The following HERPUD2 variants were observed in gnomAD, a reference collection of about 807,000 sequenced individuals.
The protein encoded by HERPUD2 is homocysteine-responsive endoplasmic reticulum-resident ubiquitin-like domain member 2 protein.
HERPUD2 carries 13 observed loss-of-function variants against 49.9 expected under a neutral mutation model. The ratio of observed to expected loss-of-function variants is 0.26; its 90% CI spans 0.17 to 0.41. The LOEUF (loss-of-function observed/expected upper bound fraction) is 0.41, where lower values mean the gene tolerates loss of function less well. HERPUD2 is among the 10% of genes least tolerant of loss of function. The probability of loss-of-function intolerance (pLI) is 1.00; values close to 1 mark genes in which losing one functional copy is unlikely to be tolerated. For synonymous variants in HERPUD2, 172 were observed against 171.4 expected (o/e 1.00, Z -0.03); for missense variants, 449 against 492.2 (o/e 0.91, Z 0.83).
At chr7:35,641,081 T>C (rs1784961059) in intron 5 of HERPUD2, among the ~76,000 whole-genome samples, 1 of 152,194 alleles carries the variant, frequency 6.6e-6, no homozygotes, top group Non-Finnish European at 1.5e-5. Context: ...TAAGAAATGT[T>C]GCAATAAATT....
intron 6 of HERPUD2, among the ~76,000 whole-genome samples, chr7:35,637,025 T>C (rs1784880477): frequency 6.6e-6 from 1 of 151,948 alleles, no homozygotes; most frequent in Non-Finnish European, 1.5e-5. Flanking sequence ...TCTCGGCTAC[T>C]GCGAGGCTGA....
chr7:35,671,887 C>T (rs1785651537), intron 3 of HERPUD2, among the ~76,000 whole-genome samples: 1 of 151,542 alleles, frequency 6.6e-6, no homozygotes, highest in South Asian at 2.1e-4. Context: ...TTTCAAAGAG[C>T]AGATGGCAGA....
intron 2 of HERPUD2, among the ~76,000 whole-genome samples, chr7:35,688,831 G>C (rs1434109078): frequency 2.0e-5 from 3 of 151,728 alleles, no homozygotes; most frequent in Admixed American, 2.0e-4. Context: ...GTCCAACCTG[G>C]GTTCAAATTC....
intron 8 of HERPUD2, 91 bp downstream of exon 8, chr7:35,634,221 T>C (rs748465289): frequency 3.3e-5 from 27 of 809,722 alleles, no homozygotes; most frequent in Admixed American, 4.1e-5. Context: ...CAAATACTTA[T>C]GGAACATCCA....
At position 35,671,154 on chromosome 7, in the gene HERPUD2, G is replaced by GT. The variant is rs533086725; in HGVS notation, c.226-827dup. Among the ~76,000 whole-genome samples, 5 of 152,156 alleles carry GT rather than the reference G, an allele frequency of 3.3e-5. No homozygotes were observed. The South Asian group carries it at 1.0e-3, about 32-fold the overall frequency. On this transcript the variant is annotated intron_variant, in intron 3 of 8. Transcript: ENST00000311350. ...AACAAAGCTACTAGAAACTATGAATGTATCACTTGCCTACCATGAACCTAT... is the reference window on the plus strand; with the variant it reads ...AACAAAGCTACTAGAAACTATGAATGTTATCACTTGCCTACCATGAACCTAT...
intron 4 of HERPUD2, among the ~76,000 whole-genome samples, chr7:35,668,305 A>AC: frequency 6.6e-6 from 1 of 152,256 alleles, no homozygotes; most frequent in African/African-American, 2.4e-5. Context: ...GTTAATCAGT[A>AC]TTTTTTTATT....
intron 2 of HERPUD2, among the ~76,000 whole-genome samples, chr7:35,680,156 C>T (rs1236081176): frequency 6.6e-6 from 1 of 152,170 alleles, no homozygotes; most frequent in Non-Finnish European, 1.5e-5. Context: ...CCTGTAATCC[C>T]AGCACTTTGG....
chr7:35,660,500 TA>T (rs1310841750), intron 5 of HERPUD2, among the ~76,000 whole-genome samples: 1 of 152,208 alleles, frequency 6.6e-6, no homozygotes, highest in Non-Finnish European at 1.5e-5. Context: ...ACCAACAGTG[TA>T]AAAGCATTCC....
chr7:35,682,353 G>GTA (rs1338645108), intron 2 of HERPUD2, among the ~76,000 whole-genome samples: 2 of 27,564 alleles, frequency 7.3e-5, no homozygotes, highest in African/African-American at 2.5e-4. Context: ...GTGTGTGTGT[G>GTA]TGTGTATATA....
intron 5 of HERPUD2, among the ~76,000 whole-genome samples, chr7:35,667,147 C>T (rs1785553354): frequency 1.3e-5 from 2 of 152,118 alleles, no homozygotes; most frequent in African/African-American, 4.8e-5. Flanking sequence ...TGCAGATTCT[C>T]AGGCCCCATC....
chr7:35,645,567 A>G (rs867316245), intron 5 of HERPUD2, among the ~76,000 whole-genome samples: 1 of 152,208 alleles, frequency 6.6e-6, no homozygotes, highest in Non-Finnish European at 1.5e-5. Context: ...TCCATTGTCA[A>G]TAGGTTCTTG....
intron 5 of HERPUD2, among the ~76,000 whole-genome samples, chr7:35,660,176 C>G (rs1252892513): frequency 1.3e-5 from 2 of 152,192 alleles, no homozygotes; most frequent in African/African-American, 2.4e-5. Context: ...TGGTTTCCAG[C>G]TTCATCCATG....
At chr7:35,678,476 T>G (rs1023860330) in intron 2 of HERPUD2, among the ~76,000 whole-genome samples, 36 of 152,174 alleles carry the variant, frequency 2.4e-4, no homozygotes, top group African/African-American at 7.9e-4. Flanking sequence ...AATTTTTGTA[T>G]ATTTAGTAGA....
At chr7:35,676,234 C>T (rs918720837) in intron 2 of HERPUD2, among the ~76,000 whole-genome samples, 4 of 152,188 alleles carry the variant, frequency 2.6e-5, no homozygotes, top group African/African-American at 9.6e-5. Context: ...GAAATTGTCT[C>T]GTAGAACTTT....
At chr7:35,686,489 C>G (rs559508701) in intron 2 of HERPUD2, among the ~76,000 whole-genome samples, 2 of 145,954 alleles carry the variant, frequency 1.4e-5, no homozygotes, top group Non-Finnish European at 3.0e-5. Context: ...CCCGGCCTAA[C>G]ATTATCTTTT....
chr7:35,658,343 G>A (rs1785328305), intron 5 of HERPUD2, among the ~76,000 whole-genome samples: 1 of 152,196 alleles, frequency 6.6e-6, no homozygotes, highest in Non-Finnish European at 1.5e-5. Context: ...TGGGAGTGGT[G>A]GGGGTGAGGT....
At chr7:35,661,868 C>T (rs1562677035) in intron 5 of HERPUD2, among the ~76,000 whole-genome samples, 1 of 152,180 alleles carries the variant, frequency 6.6e-6, no homozygotes, top group Non-Finnish European at 1.5e-5. Flanking sequence ...CCCTTTATTG[C>T]TTTCTCTTGC....
intron 2 of HERPUD2, among the ~76,000 whole-genome samples, chr7:35,682,337 GTGTGTGTGTGTGTGTGTGTGTATA>G (rs1785922051): frequency 9.1e-5 from 2 of 21,870 alleles, no homozygotes; most frequent in Admixed American, 3.3e-4. Context: ...GTGTGTGTGT[GTGTGTGTGTGTGTGTGTGTGTATA>G]TATATATATA....
chr7:35,657,402 C>G (rs1248202466), intron 5 of HERPUD2, among the ~76,000 whole-genome samples: 3 of 151,990 alleles, frequency 2.0e-5, no homozygotes, highest in African/African-American at 7.2e-5. Flanking sequence ...CTCTTATACA[C>G]TGTTGGTAGG....
Sources: gnomAD v4.1 joint callset for allele counts (sites outside exome capture counted in the v4.1 genomes callset) on GRCh38, gnomAD v4.1.1 for gene constraint, MANE v1.5 for transcripts, NCBI Gene and HGNC (gene_info 2026-07-23, HGNC 2026-07-21) for gene names.